Variants in TCERG1L observed in about 807,000 individuals in gnomAD.
The protein encoded by TCERG1L is transcription elongation regulator 1-like protein.
TCERG1L carries 37 observed loss-of-function variants against 56.3 expected under a neutral mutation model. The ratio of observed to expected loss-of-function variants is 0.66; its 90% CI spans 0.51 to 0.87. The LOEUF is 0.87. TCERG1L is among the 40% of genes least tolerant of loss of function. The probability of loss-of-function intolerance (pLI) is 0.00; values close to 1 mark genes in which losing one functional copy is unlikely to be tolerated. For synonymous variants in TCERG1L, 324 were observed against 326.3 expected (o/e 0.99, Z 0.08); for missense variants, 799 against 774.2 (o/e 1.03, Z -0.38).
intron 4 of TCERG1L, among the ~76,000 whole-genome samples, chr10:131,178,110 C>A (rs974244233): frequency 6.6e-6 from 1 of 152,272 alleles, no homozygotes; most frequent in African/African-American, 2.4e-5. Context: ...CAAGGTCCCA[C>A]CTGTGCCCCC....
intron 4 of TCERG1L, among the ~76,000 whole-genome samples, chr10:131,203,622 C>G (rs1412819513): frequency 6.6e-6 from 1 of 152,234 alleles, no homozygotes; most frequent in Admixed American, 6.5e-5. Context: ...GCAAACGATT[C>G]AGGGACACAT....
At chr10:131,158,145 G>A (rs572517216) in intron 6 of TCERG1L, among the ~76,000 whole-genome samples, 3 of 152,330 alleles carry the variant, frequency 2.0e-5, no homozygotes, top group South Asian at 2.1e-4. Context: ...GTCCGCTGCC[G>A]GCATTCCGTA....
At chr10:131,220,486 A>C (rs1218913770) in intron 4 of TCERG1L, among the ~76,000 whole-genome samples, 1 of 152,190 alleles carries the variant, frequency 6.6e-6, no homozygotes, top group Non-Finnish European at 1.5e-5. Flanking sequence ...CCGTTCCTGC[A>C]TTCTTTGGCT....
chr10:131,234,242 C>A (rs954304111), intron 4 of TCERG1L, among the ~76,000 whole-genome samples: 17 of 152,168 alleles, frequency 1.1e-4, no homozygotes, highest in African/African-American at 3.9e-4. Context: ...CCTAATCAAC[C>A]CCAACCCATC....
rs535425120 is a variant in TCERG1L, at chr10:131,242,314, T to C, written c.856+17945A>G. Among the ~76,000 whole-genome samples, 250 of 151,686 alleles carry C rather than the reference T, an allele frequency of 1.6e-3. 2 individuals carry two copies. The highest frequency in any genetic ancestry group is 4.6e-3 in the African/African-American group (190 of 41,330). On this transcript the variant is annotated intron_variant, in intron 4 of 11. Coordinates refer to ENST00000368642, the MANE Select transcript of TCERG1L (RefSeq NM_174937.4). The stretch of plus-strand genomic sequence containing the variant: ...GCCTCCAGGGAAAAAGGACGAGAAA[T>C]AGAATAGAAAAGTACAGTGAAGAAT...
At chr10:131,243,310 G>A (rs1241108952) in intron 4 of TCERG1L, among the ~76,000 whole-genome samples, 1 of 152,138 alleles carries the variant, frequency 6.6e-6, no homozygotes, top group Admixed American at 6.5e-5. Flanking sequence ...GGCCAGGCGT[G>A]AGGGCTCACA....
At chr10:131,214,717 T>C (rs1845651692) in intron 4 of TCERG1L, among the ~76,000 whole-genome samples, 1 of 152,154 alleles carries the variant, frequency 6.6e-6, no homozygotes, top group Non-Finnish European at 1.5e-5. Flanking sequence ...GTGGGTGGTG[T>C]CCACGCAGTG....
intron 4 of TCERG1L, among the ~76,000 whole-genome samples, chr10:131,236,106 G>A (rs758129505): frequency 6.6e-6 from 1 of 152,152 alleles, no homozygotes; most frequent in Non-Finnish European, 1.5e-5. Context: ...ATGGCAGGAC[G>A]ACTCTTGCAC....
At chr10:131,193,187 C>G (rs1055011816) in intron 4 of TCERG1L, among the ~76,000 whole-genome samples, 5 of 152,230 alleles carry the variant, frequency 3.3e-5, no homozygotes, top group African/African-American at 1.2e-4. Context: ...GGCATTTACA[C>G]ACTTTTTAAT....
chr10:131,136,409 C>T (rs553186416), intron 7 of TCERG1L, among the ~76,000 whole-genome samples: 39 of 152,226 alleles, frequency 2.6e-4, no homozygotes, highest in Middle Eastern at 3.4e-3. Flanking sequence ...AGCACTTCTA[C>T]GTCATGTTCT....
intron 3 of TCERG1L, among the ~76,000 whole-genome samples, chr10:131,269,677 C>T (rs1486298374): frequency 6.6e-6 from 1 of 152,234 alleles, no homozygotes; most frequent in Non-Finnish European, 1.5e-5. Flanking sequence ...TCGATTATCA[C>T]TGATCATAGA....
At chr10:131,201,387 A>C (rs1845432915) in intron 4 of TCERG1L, among the ~76,000 whole-genome samples, 2 of 152,174 alleles carry the variant, frequency 1.3e-5, no homozygotes, top group Admixed American at 6.5e-5. Context: ...GAACATCCGC[A>C]GATTTTACAC....
intron 4 of TCERG1L, among the ~76,000 whole-genome samples, chr10:131,230,278 C>T (rs1034070872): frequency 4.6e-5 from 7 of 152,252 alleles, no homozygotes; most frequent in African/African-American, 9.6e-5. Context: ...GCTGCTTGCG[C>T]GCCCCTCCTG....
At chr10:131,127,539 A>T (rs764134779) in intron 8 of TCERG1L, among the ~76,000 whole-genome samples, 9 of 152,232 alleles carry the variant, frequency 5.9e-5, no homozygotes, top group Non-Finnish European at 1.0e-4. Flanking sequence ...CTCATGCCAG[A>T]TAAAACTGGG....
Position 131,269,198 on chromosome 10 carries a change from G to GTTTGT in TCERG1L, c.671-8755_671-8754insACAAA, listed in dbSNP as rs1292278208. 2.6e-5 allele frequency among the ~76,000 whole-genome samples: 4 copies of GTTTGT among 152,276 alleles called. 1 individual carries two copies. Among genetic ancestry groups the GTTTGT allele is most frequent in the Non-Finnish European group, 4.4e-5 (3 of 68,026 alleles). ...ACAATTTCTATTTGTTTGTTTGTTTGTTTTTTCATATGGAGTCTCACTCTG... is the reference window on the plus strand; with the variant it reads ...ACAATTTCTATTTGTTTGTTTGTTTGTTTGTTTTTTTCATATGGAGTCTCACTCTG... On this transcript the variant is annotated intron_variant, in intron 3 of 11. Transcript: ENST00000368642.
At chr10:131,110,768 T>C (rs750539537) in intron 9 of TCERG1L, among the ~76,000 whole-genome samples, 1 of 152,196 alleles carries the variant, frequency 6.6e-6, no homozygotes, top group African/African-American at 2.4e-5. Flanking sequence ...ATTGTTCCAG[T>C]GGACGCGTCA....
At chr10:131,304,872 G>T (rs1846803980) in intron 3 of TCERG1L, among the ~76,000 whole-genome samples, 1 of 151,956 alleles carries the variant, frequency 6.6e-6, no homozygotes, top group African/African-American at 2.4e-5. Flanking sequence ...GAGGATCCTG[G>T]GGACTGACTC....
intron 10 of TCERG1L, among the ~76,000 whole-genome samples, chr10:131,101,038 T>G (rs537449001): frequency 2.0e-5 from 3 of 152,254 alleles, no homozygotes; most frequent in Non-Finnish European, 4.4e-5. Flanking sequence ...CTCTGGGTGA[T>G]GTCACAGGGA....
At chr10:131,281,105 T>C in intron 3 of TCERG1L, among the ~76,000 whole-genome samples, 1 of 152,252 alleles carries the variant, frequency 6.6e-6, no homozygotes, top group East Asian at 1.9e-4. Context: ...TATATGCCTC[T>C]TTCTCATAAT....
Sources: allele counts gnomAD v4.1 joint callset (sites outside exome capture counted in the v4.1 genomes callset), GRCh38; gene constraint gnomAD v4.1.1; transcripts MANE v1.5; gene names NCBI Gene and HGNC (gene_info 2026-07-23, HGNC 2026-07-21).